The following GASK1A variants were observed in gnomAD, a reference collection of about 807,000 sequenced individuals.
GASK1A encodes Golgi-associated kinase 1A.
A neutral mutation model predicts 41.2 loss-of-function variants in GASK1A; 40 were observed. The ratio of observed to expected loss-of-function variants is 0.97; its 90% CI spans 0.75 to 1.27. The LOEUF (loss-of-function observed/expected upper bound fraction) is 1.27, where lower values mean the gene tolerates loss of function less well. Among genes scored for constraint, GASK1A ranks in the 50% most tolerant of loss-of-function variants. GASK1A has a pLI of 0.00. For missense variants in GASK1A, 678 were observed against 745.1 expected, an observed-to-expected ratio of 0.91 and a Z score of 1.05; for synonymous variants, 316 against 307.1, an observed-to-expected ratio of 1.03 and a Z score of -0.30.
intron 2 of GASK1A, among the ~76,000 whole-genome samples, chr3:43,034,103 T>C (rs1327672940): frequency 6.6e-6 from 1 of 152,228 alleles, no homozygotes; most frequent in Non-Finnish European, 1.5e-5. Context: ...TTGTTGAACA[T>C]TTATCAGCAT....
chr3:42,979,775 G>A, intron 1 of GASK1A, 130 bp downstream of exon 1: 2 of 959,436 alleles, frequency 2.1e-6, no homozygotes, highest in African/African-American at 1.7e-5. Flanking sequence ...GTTGTTCCCC[G>A]AAAGTTGCAT....
At position 43,033,291 on chromosome 3, in the gene GASK1A, G is replaced by A. The variant is rs1396010152; in HGVS notation, c.1028G>A (p.Ser343Asn). 3.2e-6 allele frequency: 5 copies of A among 1,551,358 alleles called. No homozygotes were observed. The highest frequency in any genetic ancestry group is 4.4e-6 in the Non-Finnish European group (5 of 1,146,966). ...GATCGTGTGCTGGGGCTGCGCCGGAGCCTACCTGCTGTGGCCCGCCGCTTC... is the reference window on the plus strand; with the variant it reads ...GATCGTGTGCTGGGGCTGCGCCGGAACCTACCTGCTGTGGCCCGCCGCTTC... ...HVDRVLGLRR[S>N]LPAVARRFHS... The change falls in exon 2 of 5, where the codon AGC becomes AAC. Residue 343 changes from serine (S) to asparagine (N), a missense_variant. Transcript: ENST00000430121.
At chr3:43,050,983 AT>A (rs1399119774) in intron 2 of GASK1A, among the ~76,000 whole-genome samples, 1 of 151,998 alleles carries the variant, frequency 6.6e-6, no homozygotes. Context: ...GCTAATTTAA[AT>A]TTTTTTATCT....
At chr3:43,037,199 TGG>T in intron 2 of GASK1A, 1 of 1,146,378 alleles carries the variant, frequency 8.7e-7, no homozygotes, top group Non-Finnish European at 1.3e-6. Flanking sequence ...AGTCAAAATC[TGG>T]GGGATCGAAG....
chr3:43,010,340 C>G (rs1253962565), intron 1 of GASK1A, among the ~76,000 whole-genome samples: 2 of 152,206 alleles, frequency 1.3e-5, no homozygotes, highest in Admixed American at 6.5e-5. Flanking sequence ...CAGTAGAACC[C>G]TAATGCTTTC....
At chr3:42,993,176 G>C (rs2089350774) in intron 1 of GASK1A, among the ~76,000 whole-genome samples, 1 of 152,146 alleles carries the variant, frequency 6.6e-6, no homozygotes, top group South Asian at 2.1e-4. Flanking sequence ...TGGAATTCAG[G>C]GGAGCACTAG....
At chr3:43,002,947 C>G (rs2089417773) in intron 1 of GASK1A, among the ~76,000 whole-genome samples, 1 of 152,106 alleles carries the variant, frequency 6.6e-6, no homozygotes, top group Admixed American at 6.6e-5. Context: ...ACCTTTTTCT[C>G]TGATTTTCAT....
rs980208661 is a variant in GASK1A at position 42,993,651 on chromosome 3, T to A, written c.3+14006T>A. ...CTGCTTCTGTGTAGATATTCATCAATGTGATCTGTGTCTGGGGGAGTGACA... is the reference window on the plus strand; with the variant it reads ...CTGCTTCTGTGTAGATATTCATCAAAGTGATCTGTGTCTGGGGGAGTGACA... On this transcript the variant is annotated intron_variant, in intron 1 of 4. Transcript: ENST00000430121. Among the ~76,000 whole-genome samples, 12 of 152,088 alleles carry A rather than the reference T, an allele frequency of 7.9e-5. No individual in the cohort carries two copies. The South Asian group carries it at 2.5e-3, about 32-fold the overall frequency.
intron 2 of GASK1A, among the ~76,000 whole-genome samples, chr3:43,052,655 T>G (rs567014248): frequency 6.6e-6 from 1 of 152,130 alleles, no homozygotes; most frequent in African/African-American, 2.4e-5. Context: ...CCAAACCAAC[T>G]CCTCACTTCG....
intron 1 of GASK1A, among the ~76,000 whole-genome samples, chr3:42,993,528 A>C (rs913426300): frequency 2.0e-5 from 3 of 152,130 alleles, no homozygotes; most frequent in African/African-American, 7.2e-5. Flanking sequence ...GTAACCCTGT[A>C]TTTTTCATTT....
chr3:43,008,407 G>A (rs2089447174), intron 1 of GASK1A, among the ~76,000 whole-genome samples: 1 of 152,214 alleles, frequency 6.6e-6, no homozygotes, highest in African/African-American at 2.4e-5. Flanking sequence ...GAAGCCGGAG[G>A]TCACCTGGCT....
At chr3:43,003,560 A>T (rs1252823880) in intron 1 of GASK1A, among the ~76,000 whole-genome samples, 1 of 151,970 alleles carries the variant, frequency 6.6e-6, no homozygotes, top group Non-Finnish European at 1.5e-5. Flanking sequence ...TGCCAGAGTC[A>T]TCTGGCAGCA....
chr3:43,017,923 G>A (rs928656340), intron 1 of GASK1A, among the ~76,000 whole-genome samples: 8 of 151,968 alleles, frequency 5.3e-5, no homozygotes, highest in Non-Finnish European at 1.2e-4. Context: ...GGGAAGTCAC[G>A]GGAAGAAGTA....
At chr3:43,015,345 G>GCA (rs2089485231) in intron 1 of GASK1A, among the ~76,000 whole-genome samples, 1 of 151,284 alleles carries the variant, frequency 6.6e-6, no homozygotes, top group African/African-American at 2.4e-5. Context: ...GGGGCAGTGT[G>GCA]AAGTCACAGG....
intron 1 of GASK1A, among the ~76,000 whole-genome samples, chr3:42,992,253 G>A (rs985092364): frequency 2.6e-5 from 4 of 152,124 alleles, no homozygotes; most frequent in Non-Finnish European, 2.9e-5. Flanking sequence ...TGGTTTTAAA[G>A]CATGAAGGGT....
At chr3:43,048,209 A>G (rs1323218071) in intron 2 of GASK1A, among the ~76,000 whole-genome samples, 2 of 152,194 alleles carry the variant, frequency 1.3e-5, no homozygotes, top group Non-Finnish European at 2.9e-5. Context: ...TGTCAACAAT[A>G]TGATAAGATT....
chr3:43,052,046 G>C (rs1279958556), intron 2 of GASK1A, among the ~76,000 whole-genome samples: 3 of 152,150 alleles, frequency 2.0e-5, no homozygotes, highest in African/African-American at 7.2e-5. Flanking sequence ...TGTCCTGACT[G>C]GTAGATCCCA....
At chr3:43,018,676 T>C (rs1227763972) in intron 1 of GASK1A, among the ~76,000 whole-genome samples, 5 of 152,244 alleles carry the variant, frequency 3.3e-5, no homozygotes, top group Admixed American at 2.0e-4. Context: ...TCATTTTGAA[T>C]GAAAAACATT....
chr3:43,017,351 C>CG (rs1321461591), intron 1 of GASK1A, among the ~76,000 whole-genome samples: 1 of 142,442 alleles, frequency 7.0e-6, no homozygotes, highest in Admixed American at 6.9e-5. Flanking sequence ...TGGGAAGTCA[C>CG]GGGAAGGGGC....
Sources: gnomAD v4.1 joint callset for allele counts (sites outside exome capture counted in the v4.1 genomes callset) on GRCh38, gnomAD v4.1.1 for gene constraint, MANE v1.5 for transcripts, NCBI Gene and HGNC (gene_info 2026-07-23, HGNC 2026-07-21) for gene names.